Variants in ABHD2 observed in about 807,000 individuals in gnomAD.
ABHD2 encodes abhydrolase domain containing 2, acylglycerol lipase.
Under a neutral mutation model 48.1 loss-of-function variants are expected in ABHD2, and 20 were observed. That is an observed-to-expected ratio of 0.42 (90% confidence interval 0.29 to 0.60). The LOEUF is 0.60. Among genes scored for constraint, ABHD2 ranks in the 20% least tolerant of loss-of-function variants. The pLI, the probability that ABHD2 is intolerant of heterozygous loss-of-function variation, is 0.24. For missense variants in ABHD2, 405 were observed against 550.9 expected (o/e 0.74, Z 2.65); for synonymous variants, 209 against 214.2 (o/e 0.98, Z 0.21).
intron 5 of ABHD2, among the ~76,000 whole-genome samples, chr15:89,159,805 T>C (rs1478691578): frequency 6.6e-6 from 1 of 151,216 alleles, no homozygotes; most frequent in Admixed American, 6.6e-5. Context: ...TTCATCAGAA[T>C]TTTAGAAGTA....
chr15:89,119,871 G>T (rs1356004354), intron 3 of ABHD2, among the ~76,000 whole-genome samples: 1 of 152,200 alleles, frequency 6.6e-6, no homozygotes, highest in African/African-American at 2.4e-5. Context: ...CGTCTGTTAT[G>T]AGGGAAAGTG....
chr15:89,135,520 A>G, intron 3 of ABHD2: 1 of 1,245,742 alleles, frequency 8.0e-7, no homozygotes, highest in Non-Finnish European at 1.2e-6. Flanking sequence ...ATAGACGAGA[A>G]AAAAAACTAC....
chr15:89,061,819 C>G, the ABHD2 span, among the ~76,000 whole-genome samples: 2 of 152,150 alleles, frequency 1.3e-5, no homozygotes, highest in Non-Finnish European at 2.9e-5. Context: ...AGCAGTCTGC[C>G]TGCCTCAGCC....
In ABHD2 at chr15:89,120,349, C is replaced by T. The variant is rs556101051; in HGVS notation, c.194+3828C>T. Among the ~76,000 whole-genome samples, 57 of 152,082 alleles carry T rather than the reference C, an allele frequency of 3.7e-4. 2 individuals carry two copies. The South Asian group carries it at 0.012, about 32-fold the overall frequency. On this transcript the variant is annotated intron_variant, in intron 3 of 10. Transcript: ENST00000352732. This position sits in a 1 kb window ranked among gnomAD's most constrained non-coding sequence, Gnocchi z 4.2. ...ACTTTTAGTGAAACAAGCAGACGCC[C>T]AGTTCGGAATTATGACAAAAATCTA...
At chr15:89,191,525 G>C (rs1426487370) in intron 9 of ABHD2, among the ~76,000 whole-genome samples, 2 of 152,008 alleles carry the variant, frequency 1.3e-5, no homozygotes, top group African/African-American at 2.4e-5. Context: ...TGTTACCATA[G>C]TGCCTAAGAC....
chr15:89,076,638 C>G, the ABHD2 span, among the ~76,000 whole-genome samples: 1 of 152,034 alleles, frequency 6.6e-6, no homozygotes, highest in Non-Finnish European at 1.5e-5. Context: ...TGCATGCCAC[C>G]ATGTCCAGCT....
chr15:89,055,214 A>C, the ABHD2 span, among the ~76,000 whole-genome samples: 1 of 152,190 alleles, frequency 6.6e-6, no homozygotes, highest in African/African-American at 2.4e-5. Flanking sequence ...TTTTTTTTTA[A>C]ATCTCCTATT....
At chr15:89,172,983 A>G (rs999021193) in intron 5 of ABHD2, among the ~76,000 whole-genome samples, 7 of 152,234 alleles carry the variant, frequency 4.6e-5, no homozygotes, top group Non-Finnish European at 8.8e-5. Flanking sequence ...ATTTGGGGCC[A>G]CTAAGTGGTA....
At chr15:89,123,395 G>A (rs1023844816) in intron 3 of ABHD2, among the ~76,000 whole-genome samples, 1 of 152,090 alleles carries the variant, frequency 6.6e-6, no homozygotes, top group Non-Finnish European at 1.5e-5. Flanking sequence ...CTGCCAATTA[G>A]TCATCCATCA....
In ABHD2 at chr15:89,100,878, G is replaced by A. The variant is rs976198373; in HGVS notation, c.-107+12315G>A. ...GAGAGACTCCATCTCAAAAAAAAAG[G>A]AACCTTATTTTATAATTTCACCAGC... is the stretch of plus-strand genomic sequence containing the variant. On this transcript the variant is annotated intron_variant, in intron 1 of 10. Transcript: ENST00000352732. This position sits in a 1 kb window ranked among gnomAD's most constrained non-coding sequence, Gnocchi z 4.4. Among the ~76,000 whole-genome samples, 1 of 152,074 alleles carries A rather than the reference G, an allele frequency of 6.6e-6. No homozygotes were observed. The highest frequency in any genetic ancestry group is 2.4e-5 in the African/African-American group (1 of 41,414).
chr15:89,076,076 T>A, the ABHD2 span, among the ~76,000 whole-genome samples: 1 of 152,202 alleles, frequency 6.6e-6, no homozygotes, highest in Non-Finnish European at 1.5e-5. Context: ...TCTCCTTTAG[T>A]CCTGTGACCC....
chr15:89,127,275 T>C (rs2050143908), intron 3 of ABHD2, among the ~76,000 whole-genome samples: 1 of 152,120 alleles, frequency 6.6e-6, no homozygotes, highest in African/African-American at 2.4e-5. Context: ...CGTGGGTGCA[T>C]GGCATCAAAC....
rs767825843 is a variant in ABHD2 at position 89,151,826 on chromosome 15, A to C, written c.344A>C (p.Glu115Ala). ...GCCACTTCTACATTCGACCTCTTCG[A>C]GCCCTTGGCTGAGCACTGTGTTGGA... Reference protein sequence around the residue: ...DGATSTFDLFEPLAEHCVGDD... With the variant: ...DGATSTFDLFAPLAEHCVGDD... Residue 115 changes from glutamate to alanine, a missense_variant, in exon 4 of 11, where the codon GAG (glutamate) becomes GCG (alanine). By Grantham distance (107) the Glu-to-Ala change is moderately radical. Transcript: ENST00000352732. This position sits in a 1 kb window ranked among gnomAD's most constrained non-coding sequence, Gnocchi z 4.7. 6.2e-7 allele frequency: 1 copy of C among 1,614,178 alleles called. No homozygotes were observed. The highest frequency in any genetic ancestry group is 8.5e-7 in the Non-Finnish European group (1 of 1,180,024).
rs1174222788 is a variant in ABHD2, at chr15:89,183,383, AAATATATATATATATAT to A, written c.723-2039_723-2023del. On this transcript the variant is annotated intron_variant, in intron 6 of 10. Coordinates refer to ENST00000352732, the MANE Select transcript of ABHD2 (RefSeq NM_152924.5). ...CAGTCCTTTTCAAAAAAAAAAAAAA[AAATATATATATATATAT>A]ATATATATATATATATGAGATGAAT... is the stretch of plus-strand genomic sequence containing the variant. 20 of 66,082 alleles carry A rather than the reference AAATATATATATATATAT, an allele frequency of 3.0e-4. 1 individual carries two copies. The highest frequency in any genetic ancestry group is 1.7e-3 in the African/African-American group (19 of 11,244). 4.1% of individuals were successfully genotyped at this position (66,082 alleles called of 1,614,324 possible).
the ABHD2 span, among the ~76,000 whole-genome samples, chr15:89,048,908 A>ATTCTCCATCCAGC: frequency 1.3e-3 from 157 of 122,414 alleles, 9 homozygotes; most frequent in African/African-American, 5.1e-3. Flanking sequence ...CGTCAAAGTC[A>ATTCTCCATCCAGC]TTTGTTCCGT....
At chr15:89,127,713 A>ATATATATATG (rs1179197941) in intron 3 of ABHD2, among the ~76,000 whole-genome samples, 1 of 85,914 alleles carries the variant, frequency 1.2e-5, no homozygotes, top group African/African-American at 6.3e-5. Context: ...ATACATATAT[A>ATATATATATG]TATATACACA....
At chr15:89,060,619 G>A in the ABHD2 span, among the ~76,000 whole-genome samples, 1 of 151,942 alleles carries the variant, frequency 6.6e-6, no homozygotes, top group African/African-American at 2.4e-5. Flanking sequence ...TAGCACTTAA[G>A]ACTAAAGCCC....
At chr15:89,053,928 A>G in the ABHD2 span, among the ~76,000 whole-genome samples, 2 of 152,116 alleles carry the variant, frequency 1.3e-5, no homozygotes, top group Non-Finnish European at 2.9e-5. Context: ...ATGACCACTC[A>G]CTTGCCAAGT....
chr15:89,065,452 C>G, the ABHD2 span, among the ~76,000 whole-genome samples: 2 of 152,062 alleles, frequency 1.3e-5, no homozygotes, highest in Admixed American at 6.6e-5. Context: ...TATGATATGC[C>G]TCCTCTTCCT....
Sources: gnomAD v4.1 joint callset for allele counts (sites outside exome capture counted in the v4.1 genomes callset) on GRCh38, gnomAD v4.1.1 for gene constraint, Gnocchi (gnomAD v3.1) non-coding constraint, MANE v1.5 for transcripts, NCBI Gene and HGNC (gene_info 2026-07-23, HGNC 2026-07-21) for gene names.